SMG6: variants seen among roughly 807,000 people sequenced by gnomAD.
The protein encoded by SMG6 is SMG6 nonsense mediated mRNA decay factor.
Under a neutral mutation model 142.2 loss-of-function variants are expected in SMG6, and 66 were observed. The observed-to-expected ratio is 0.46, with a 90% confidence interval of 0.38 to 0.57. The LOEUF is 0.57. Ranked by LOEUF, SMG6 falls within the 20% of genes least tolerant of loss-of-function variation. The probability of loss-of-function intolerance (pLI) is 0.00; values close to 1 mark genes in which losing one functional copy is unlikely to be tolerated. For synonymous variants in SMG6, 779 were observed against 702.4 expected (o/e 1.11, Z -1.72); for missense variants, 1,793 against 1,832.0 (o/e 0.98, Z 0.39).
chr17:2,225,963 G>A (rs976440179), intron 10 of SMG6, among the ~76,000 whole-genome samples: 2 of 152,174 alleles, frequency 1.3e-5, no homozygotes, highest in African/African-American at 4.8e-5. Flanking sequence ...CTTATGTCCA[G>A]GTTATAGAGA....
chr17:2,208,361 T>G (rs2072751094), intron 10 of SMG6, among the ~76,000 whole-genome samples: 1 of 152,144 alleles, frequency 6.6e-6, no homozygotes, highest in Admixed American at 6.5e-5. Context: ...TATTTCTACC[T>G]GTAGAAATAC....
chr17:2,260,615 C>T (rs1005939641), intron 8 of SMG6, among the ~76,000 whole-genome samples: 2 of 152,210 alleles, frequency 1.3e-5, no homozygotes, highest in African/African-American at 4.8e-5. Context: ...GCAAGGAAAA[C>T]ATGGGCATTA....
At chr17:2,211,789 G>A (rs2072873237) in intron 10 of SMG6, among the ~76,000 whole-genome samples, 1 of 151,980 alleles carries the variant, frequency 6.6e-6, no homozygotes, top group South Asian at 2.1e-4. Context: ...TGCCCAACAC[G>A]GCTATGCCAT....
intron 11 of SMG6, among the ~76,000 whole-genome samples, chr17:2,187,986 T>G (rs1310497119): frequency 3.3e-5 from 5 of 152,022 alleles, no homozygotes; most frequent in Non-Finnish European, 7.4e-5. Flanking sequence ...TCTGGTCCAG[T>G]GAGTCTCCCA....
chr17:2,133,481 C>T (rs766338687), intron 13 of SMG6, among the ~76,000 whole-genome samples: 1 of 152,144 alleles, frequency 6.6e-6, no homozygotes, highest in Non-Finnish European at 1.5e-5. Flanking sequence ...AGTTACCTCC[C>T]AATCCAGTCT....
In SMG6 at chr17:2,134,419, C is replaced by CAAAAAA. The variant is rs58429166; in HGVS notation, c.3357+38233_3357+38238dup. On this transcript the variant is annotated intron_variant, in intron 13 of 18. Coordinates refer to ENST00000263073, the MANE Select transcript of SMG6 (RefSeq NM_017575.5). ...GGGCGATAAGAGCGAGACTCCATCT[C>CAAAAAA]AAAAAAAAAAAAAAAAAAAAAAAAA... 3.5e-3 allele frequency among the ~76,000 whole-genome samples: 101 copies of CAAAAAA among 28,700 alleles called. 14 individuals carry two copies. Among genetic ancestry groups the CAAAAAA allele is most frequent in the East Asian group, 0.018 (7 of 394 alleles). The allele number at this position is 28,700 out of a possible 152,430, so 18.8% of individuals were successfully genotyped here.
In SMG6 at chr17:2,191,423, G is replaced by GC. The variant is rs374676086; in HGVS notation, c.2870-2909dup. ...TATCCCTAGTGTTGGGCTGGGCCAA[G>GC]CCAACAAGTGATGTGGGGTGGGGGA... On this transcript the variant is annotated intron_variant, in intron 10 of 18. Transcript: ENST00000263073. Among the ~76,000 whole-genome samples, 44 of 152,306 alleles carry GC rather than the reference G, an allele frequency of 2.9e-4. 1 individual carries two copies. In the East Asian group the frequency reaches 8.5e-3, roughly 29 times the overall value.
At chr17:2,251,840 G>A (rs2151314958) in intron 8 of SMG6, among the ~76,000 whole-genome samples, 1 of 152,306 alleles carries the variant, frequency 6.6e-6, no homozygotes, top group East Asian at 1.9e-4. Context: ...AGTGGCTCAT[G>A]CCTGTAATCC....
At chr17:2,222,905 GA>G (rs1261681659) in intron 10 of SMG6, among the ~76,000 whole-genome samples, 1 of 152,106 alleles carries the variant, frequency 6.6e-6, no homozygotes, top group Non-Finnish European at 1.5e-5. Flanking sequence ...TAATACTTAC[GA>G]AACATTTTCC....
chr17:2,188,466 A>G lies in SMG6; in HGVS notation c.2919T>C (p.Ala973=), dbSNP rs770911371. The part of the protein sequence containing the change: ...CRSVIQEQAA[A]LGLAMFSLLV... ...GTAGAGAAAACATGGCCAAGCCCAG[A>G]GCTGCGGCTTGTTCCTGGATCACAG... Residue 973 remains alanine, a synonymous_variant, in exon 11 of 19, where the codon GCT becomes GCC. Transcript: ENST00000263073. The G allele has an allele frequency of 2.5e-6, 4 of 1,614,160 alleles. No individual in the cohort carries two copies. Among genetic ancestry groups the G allele is most frequent in the Non-Finnish European group, 3.4e-6 (4 of 1,180,008 alleles).
chr17:2,297,563 AACAC>A (rs113462824), intron 3 of SMG6, among the ~76,000 whole-genome samples: 1,522 of 150,706 alleles, frequency 0.01, 27 homozygotes, highest in African/African-American at 0.034. Context: ...TGAACACATG[AACAC>A]ACACACACAC....
intron 2 of SMG6, 73 bp from the exon 3 acceptor site, chr17:2,298,128 C>G (rs2075184645): frequency 7.1e-7 from 1 of 1,410,976 alleles, no homozygotes; most frequent in African/African-American, 1.5e-5. Flanking sequence ...TTTGAGATTC[C>G]TGCAAATTAA....
intron 8 of SMG6, among the ~76,000 whole-genome samples, chr17:2,256,546 G>A (rs1309833790): frequency 6.6e-6 from 1 of 152,150 alleles, no homozygotes; most frequent in Non-Finnish European, 1.5e-5. Flanking sequence ...TGGATCGCTT[G>A]AGCTCAGGAG....
chr17:2,292,843 A>T (rs1567755566), intron 5 of SMG6, 28 bp downstream of exon 5: 10 of 1,588,054 alleles, frequency 6.3e-6, no homozygotes, highest in Non-Finnish European at 7.8e-6. Context: ...CATAGGGAAG[A>T]GAAATAACGA....
Position 2,094,170 on chromosome 17 carries a change from G to A in SMG6, c.3358-8269C>T, listed in dbSNP as rs576478410. Among the ~76,000 whole-genome samples, 3 of 152,334 alleles carry A rather than the reference G, an allele frequency of 2.0e-5. No homozygotes were observed. In the South Asian group the frequency reaches 6.2e-4, roughly 32 times the overall value. ...GCCTTGTCCATGAGGTCCCTTCACA[G>A]TGGGGTACGGGCGGTGGCTCTGCCT... On this transcript the variant is annotated intron_variant, in intron 13 of 18. Coordinates refer to ENST00000263073, the MANE Select transcript of SMG6 (RefSeq NM_017575.5).
At position 2,207,120 on chromosome 17, in the gene SMG6, A is replaced by C. The variant is rs1488883636; in HGVS notation, c.2870-18605T>G. ...AATCTTGTCTCTACTAAAAATCCAA[A>C]AAAAAAAAAAAAAAAAAAAATAGCA... On this transcript the variant is annotated intron_variant, in intron 10 of 18. Coordinates refer to ENST00000263073, the MANE Select transcript of SMG6 (RefSeq NM_017575.5). 3.8e-4 allele frequency among the ~76,000 whole-genome samples: 52 copies of C among 137,688 alleles called. 3 individuals are homozygous for C. Among genetic ancestry groups the C allele is most frequent in the South Asian group, 2.6e-3 (11 of 4,280 alleles). 90.3% of individuals were successfully genotyped at this position (137,688 alleles called of 152,430 possible).
At chr17:2,177,202 T>G (rs1017242415) in intron 12 of SMG6, among the ~76,000 whole-genome samples, 5 of 152,146 alleles carry the variant, frequency 3.3e-5, no homozygotes, top group African/African-American at 1.2e-4. Flanking sequence ...TCCTAAAATT[T>G]TGCTTTTCTC....
intron 13 of SMG6, among the ~76,000 whole-genome samples, chr17:2,128,110 A>G (rs1440469512): frequency 6.6e-6 from 1 of 152,168 alleles, no homozygotes; most frequent in Non-Finnish European, 1.5e-5. Context: ...ATGCTGAAGC[A>G]TGGGTGAAGG....
At chr17:2,186,992 GA>G (rs2072009460) in intron 11 of SMG6, among the ~76,000 whole-genome samples, 161 bp from the exon 12 acceptor site, 1 of 152,232 alleles carries the variant, frequency 6.6e-6, no homozygotes, top group Non-Finnish European at 1.5e-5. Flanking sequence ...AGAGGATTCT[GA>G]AAAGTAGGAC....
Sources: gnomAD v4.1 joint callset for allele counts (sites outside exome capture counted in the v4.1 genomes callset) on GRCh38, gnomAD v4.1.1 for gene constraint, MANE v1.5 for transcripts, NCBI Gene and HGNC (gene_info 2026-07-23, HGNC 2026-07-21) for gene names.